Variants in PTPRD observed in about 807,000 individuals in gnomAD.
PTPRD encodes receptor-type tyrosine-protein phosphatase delta.
Under a neutral mutation model 214.5 loss-of-function variants are expected in PTPRD, and 34 were observed. The ratio of observed to expected loss-of-function variants is 0.16; its 90% CI spans 0.12 to 0.21. The LOEUF (loss-of-function observed/expected upper bound fraction) is 0.21. Ranked by LOEUF, PTPRD falls within the 10% of genes least tolerant of loss-of-function variation. The probability of loss-of-function intolerance (pLI) is 1.00; values close to 1 mark genes in which losing one functional copy is unlikely to be tolerated. For synonymous variants in PTPRD, 1,128 were observed against 845.7 expected, an observed-to-expected ratio of 1.33 and a Z score of -5.79; for missense variants, 2,545 against 2,398.7, an observed-to-expected ratio of 1.06 and a Z score of -1.27.
intron 2 of PTPRD, among the ~76,000 whole-genome samples, chr9:10,464,114 G>A (rs2098977188): frequency 6.6e-6 from 1 of 151,974 alleles, no homozygotes; most frequent in African/African-American, 2.4e-5. Flanking sequence ...AAAGAAAAAT[G>A]TGGCCATGTG....
intron 37 of PTPRD, among the ~76,000 whole-genome samples, chr9:8,381,039 A>G (rs1371098657): frequency 6.6e-6 from 1 of 152,194 alleles, no homozygotes; most frequent in Non-Finnish European, 1.5e-5. Flanking sequence ...ATTTGCCACG[A>G]GATTATTTAG....
chr9:9,864,969 TTA>T (rs1410721752), intron 5 of PTPRD, among the ~76,000 whole-genome samples: 1 of 152,186 alleles, frequency 6.6e-6, no homozygotes, highest in Non-Finnish European at 1.5e-5. Flanking sequence ...ATGGTGTATA[TTA>T]TAGATTCTAT....
At chr9:9,609,509 G>A (rs1171098084) in intron 7 of PTPRD, among the ~76,000 whole-genome samples, 3 of 152,168 alleles carry the variant, frequency 2.0e-5, no homozygotes, top group Admixed American at 6.5e-5. Flanking sequence ...GTAGCCCAGG[G>A]TAGAGTGCAG....
At chr9:9,241,552 G>T (rs1479139919) in intron 9 of PTPRD, among the ~76,000 whole-genome samples, 1 of 152,116 alleles carries the variant, frequency 6.6e-6, no homozygotes, top group Non-Finnish European at 1.5e-5. Flanking sequence ...CATACCTTGA[G>T]CACATGGTTC....
At chr9:9,426,206 C>T (rs1306911630) in intron 8 of PTPRD, among the ~76,000 whole-genome samples, 3 of 152,180 alleles carry the variant, frequency 2.0e-5, no homozygotes, top group Admixed American at 2.0e-4. Flanking sequence ...GTCACTCCCA[C>T]CCTAATACTG....
chr9:9,513,394 A>G (rs537736038), intron 8 of PTPRD, among the ~76,000 whole-genome samples: 20 of 152,074 alleles, frequency 1.3e-4, no homozygotes, highest in Admixed American at 7.9e-4. Flanking sequence ...TACTCAAACT[A>G]TTTCAAAGAG....
chr9:8,562,630 T>C (rs1213203429), intron 14 of PTPRD, among the ~76,000 whole-genome samples: 2 of 151,958 alleles, frequency 1.3e-5, no homozygotes, highest in Non-Finnish European at 2.9e-5. Context: ...AGATACGGGG[T>C]TTCACCATGT....
At chr9:8,871,201 T>G (rs868147842) in intron 11 of PTPRD, among the ~76,000 whole-genome samples, 5 of 152,260 alleles carry the variant, frequency 3.3e-5, no homozygotes, top group Middle Eastern at 6.8e-3. Flanking sequence ...CCAAAACAAA[T>G]AAACTGCATA....
chr9:9,754,840 C>T (rs118018866), intron 6 of PTPRD, among the ~76,000 whole-genome samples: 3,765 of 152,066 alleles, frequency 0.025, 56 homozygotes, highest in Non-Finnish European at 0.038. Flanking sequence ...ACCTGAATCA[C>T]CAAACACATC....
At chr9:10,217,584 T>C (rs1431525122) in intron 3 of PTPRD, among the ~76,000 whole-genome samples, 1 of 151,960 alleles carries the variant, frequency 6.6e-6, no homozygotes, top group Non-Finnish European at 1.5e-5. Flanking sequence ...CACCAGTATA[T>C]CTCAGTTAGT....
rs1053033826 is a variant in PTPRD at position 8,569,181 on chromosome 9, T to A, written c.353-40402A>T. ...TTTAGATACCCTCTAACAAGGAGGGTACAACTCCTCCCACCCCAAGAACCG... is the reference window on the plus strand; with the variant it reads ...TTTAGATACCCTCTAACAAGGAGGGAACAACTCCTCCCACCCCAAGAACCG... On this transcript the variant is annotated intron_variant, in intron 14 of 45. Transcript: ENST00000381196. Among the ~76,000 whole-genome samples, 11 of 151,962 alleles carry A rather than the reference T, an allele frequency of 7.2e-5. No individual in the cohort carries two copies. The East Asian group carries it at 2.1e-3, about 29-fold the overall frequency.
At chr9:10,252,137 AT>A (rs2092829942) in intron 3 of PTPRD, among the ~76,000 whole-genome samples, 1 of 152,030 alleles carries the variant, frequency 6.6e-6, no homozygotes, top group East Asian at 1.9e-4. Context: ...AATAAAAATA[AT>A]TTTTTAAACT....
At chr9:9,224,811 T>A (rs561189063) in intron 9 of PTPRD, among the ~76,000 whole-genome samples, 15 of 152,088 alleles carry the variant, frequency 9.9e-5, no homozygotes, top group Middle Eastern at 3.4e-3. Flanking sequence ...AGATATGTCT[T>A]AAGCTAAGAG....
intron 11 of PTPRD, among the ~76,000 whole-genome samples, chr9:8,741,482 C>T (rs190414124): frequency 6.7e-6 from 1 of 150,372 alleles, no homozygotes; most frequent in African/African-American, 2.5e-5. Flanking sequence ...ACAGATCTTT[C>T]TCGCAAAGTG....
chr9:9,597,283 T>A (rs917376710), intron 7 of PTPRD, among the ~76,000 whole-genome samples: 1 of 152,048 alleles, frequency 6.6e-6, no homozygotes, highest in East Asian at 1.9e-4. Context: ...AAGACATACA[T>A]TTAAACAAAG....
intron 5 of PTPRD, among the ~76,000 whole-genome samples, chr9:9,807,506 G>A (rs1369544332): frequency 6.6e-6 from 1 of 152,112 alleles, no homozygotes. Flanking sequence ...GATTCCCTCT[G>A]CTCTGACTTC....
intron 2 of PTPRD, among the ~76,000 whole-genome samples, chr9:10,562,846 C>T (rs2064400307): frequency 6.6e-6 from 1 of 151,930 alleles, no homozygotes; most frequent in African/African-American, 2.4e-5. Context: ...AAGATTTGCT[C>T]AGATACTTGA....
At chr9:8,485,435 G>C (rs35777094) in intron 28 of PTPRD, 111 bp from the exon 29 acceptor site, 66,675 of 730,140 alleles carry the variant, frequency 0.091, 3,459 homozygotes, top group South Asian at 0.13. Flanking sequence ...TTTGATCAGA[G>C]AGAGAAGTAT....
At chr9:9,932,813 AG>A (rs2087281922) in intron 5 of PTPRD, among the ~76,000 whole-genome samples, 1 of 125,800 alleles carries the variant, frequency 7.9e-6, no homozygotes, top group South Asian at 2.8e-4. Flanking sequence ...AAAAATGTTA[AG>A]GGCAGCCAGA....
Sources: allele counts gnomAD v4.1 joint callset (sites outside exome capture counted in the v4.1 genomes callset), GRCh38; gene constraint gnomAD v4.1.1; transcripts MANE v1.5; gene names NCBI Gene and HGNC (gene_info 2026-07-23, HGNC 2026-07-21).